CPS1: variants seen among roughly 807,000 people sequenced by gnomAD.
The protein encoded by CPS1 is carbamoyl-phosphate synthase [ammonia], mitochondrial.
In CPS1, 109 loss-of-function variants were observed where a neutral mutation model predicts 174.6. That is an observed-to-expected ratio of 0.62 (90% CI 0.53 to 0.73). The LOEUF (loss-of-function observed/expected upper bound fraction) is 0.73, where lower values mean the gene tolerates loss of function less well. Among genes scored for constraint, CPS1 ranks in the 30% least tolerant of loss-of-function variants. The pLI is 0.00. For synonymous variants in CPS1, 637 were observed against 632.0 expected (o/e 1.01, Z -0.12); for missense variants, 1,689 against 1,821.9 (o/e 0.93, Z 1.33).
intron 1 of CPS1, among the ~76,000 whole-genome samples, chr2:210,509,414 A>T (rs1695388558): frequency 6.6e-6 from 1 of 152,198 alleles, no homozygotes; most frequent in African/African-American, 2.4e-5. Context: ...ACAAACCCAC[A>T]GCCAATATCA....
rs376177038 is a variant in CPS1, at chr2:210,637,719, A to G, written c.2705A>G (p.Glu902Gly). Reference protein sequence around the residue: ...KGLNSESMTEETLKRAKEIGF... With the variant: ...KGLNSESMTEGTLKRAKEIGF... Reference sequence around the variant, plus strand: ...AATCCTAGTGAGTCCATGACAGAAGAAACCCTGAAAAGGGCAAAGGAGATT... The same window carrying G: ...AATCCTAGTGAGTCCATGACAGAAGGAACCCTGAAAAGGGCAAAGGAGATT... The change falls in exon 22 of 38, where the codon GAA (glutamate) becomes GGA (glycine). Residue 902 changes from glutamate (E) to glycine (G), a missense_variant. Coordinates refer to ENST00000233072, the MANE Select transcript of CPS1 (RefSeq NM_001875.5). 1.2e-6 allele frequency: 2 copies of G among 1,614,046 alleles called. No individual in the cohort carries two copies. The highest frequency in any genetic ancestry group is 1.7e-6 in the Non-Finnish European group (2 of 1,179,920).
At chr2:210,670,748 T>C (rs1022328555) in intron 34 of CPS1, among the ~76,000 whole-genome samples, 3 of 152,098 alleles carry the variant, frequency 2.0e-5, no homozygotes, top group Non-Finnish European at 2.9e-5. Flanking sequence ...CTTTCTAACT[T>C]TTAAATTTCT....
intron 1 of CPS1, among the ~76,000 whole-genome samples, chr2:210,549,033 C>T (rs1479387575): frequency 2.0e-5 from 3 of 152,134 alleles, no homozygotes; most frequent in Non-Finnish European, 2.9e-5. Flanking sequence ...CTGTTCTCTA[C>T]GTCATTCCAG....
At chr2:210,525,018 A>T (rs188811700) in intron 1 of CPS1, among the ~76,000 whole-genome samples, 2 of 152,062 alleles carry the variant, frequency 1.3e-5, no homozygotes, top group East Asian at 3.9e-4. Flanking sequence ...ACAGGAAATT[A>T]AATCTAATTT....
rs148950271 is a variant in CPS1, at chr2:210,600,712, G to T, written c.1707G>T (p.Ser569=). 5.0e-6 allele frequency: 8 copies of T among 1,611,606 alleles called. No homozygotes were observed. In the East Asian group the frequency reaches 1.8e-4, roughly 36 times the overall value. Residue 569 remains serine, a splice_region_variant and synonymous_variant, in exon 15 of 38, where the codon TCG becomes TCT. Coordinates refer to ENST00000233072, the MANE Select transcript of CPS1 (RefSeq NM_001875.5). The part of the protein sequence containing the change: ...EKIAPSFAVE[S]IEDALKAADT... ...TTGCTCCAAGTTTTGCAGTGGAATC[G>T]GTAAGGATTCTTTGCTTTGGAAAAA...
intron 1 of CPS1, among the ~76,000 whole-genome samples, chr2:210,544,604 A>G (rs1403441966): frequency 6.6e-6 from 1 of 152,086 alleles, no homozygotes; most frequent in African/African-American, 2.4e-5. Flanking sequence ...ATAGTTTTAA[A>G]GCCACAAATT....
chr2:210,560,960 A>G (rs1285943584), intron 1 of CPS1, among the ~76,000 whole-genome samples: 1 of 152,182 alleles, frequency 6.6e-6, no homozygotes, highest in East Asian at 1.9e-4. Flanking sequence ...AATTGTGTTC[A>G]GTCCCAAATG....
chr2:210,534,508 T>C (rs1696197588), intron 1 of CPS1, among the ~76,000 whole-genome samples: 1 of 152,208 alleles, frequency 6.6e-6, no homozygotes, highest in South Asian at 2.1e-4. Flanking sequence ...CTGCAGTATG[T>C]AGCATTGATT....
intron 7 of CPS1, among the ~76,000 whole-genome samples, chr2:210,588,738 AC>A (rs1364392115): frequency 2.6e-5 from 4 of 152,038 alleles, no homozygotes; most frequent in Non-Finnish European, 4.4e-5. Flanking sequence ...ATACACATAC[AC>A]ACACATACAC....
At chr2:210,573,434 T>C (rs1372268976) in intron 2 of CPS1, 27 bp downstream of exon 2, 1 of 1,516,962 alleles carries the variant, frequency 6.6e-7, no homozygotes, top group Admixed American at 1.7e-5. Context: ...CAAGGCTTTA[T>C]TTTTCCTCTA....
At chr2:210,564,874 A>G (rs1697249375) in intron 1 of CPS1, among the ~76,000 whole-genome samples, 1 of 152,012 alleles carries the variant, frequency 6.6e-6, no homozygotes, top group South Asian at 2.1e-4. Flanking sequence ...AAGTGCCTGT[A>G]ATCTCAGCTA....
intron 1 of CPS1, chr2:210,477,780 T>C (rs767714789): frequency 1.2e-6 from 2 of 1,613,328 alleles, no homozygotes; most frequent in Middle Eastern, 1.6e-4. Flanking sequence ...AGTCTTAAGC[T>C]GGATATCTCT....
At chr2:210,495,337 C>T (rs143840193) in intron 1 of CPS1, among the ~76,000 whole-genome samples, 7 of 152,222 alleles carry the variant, frequency 4.6e-5, no homozygotes, top group African/African-American at 1.2e-4. Flanking sequence ...CGGCATGCTT[C>T]GAGAACTGGC....
chr2:210,541,697 T>C (rs1696436476), intron 1 of CPS1, among the ~76,000 whole-genome samples: 1 of 152,210 alleles, frequency 6.6e-6, no homozygotes, highest in African/African-American at 2.4e-5. Context: ...ATTTCTGTGA[T>C]GTGAAGTACA....
At chr2:210,668,541 C>T (rs112304841) in intron 34 of CPS1, among the ~76,000 whole-genome samples, 6 of 152,224 alleles carry the variant, frequency 3.9e-5, no homozygotes, top group South Asian at 2.1e-4. Context: ...AAATGGGATG[C>T]AGGGTACTTT....
At chr2:210,506,443 G>A (rs113081470) in intron 1 of CPS1, among the ~76,000 whole-genome samples, 35 of 152,232 alleles carry the variant, frequency 2.3e-4, no homozygotes, top group African/African-American at 8.2e-4. Context: ...AAAAAACAGA[G>A]CAGAAAAACT....
At chr2:210,628,179 C>T (rs1328363499) in intron 21 of CPS1, among the ~76,000 whole-genome samples, 1 of 152,166 alleles carries the variant, frequency 6.6e-6, no homozygotes, top group Admixed American at 6.5e-5. Context: ...TCCCCTTCTA[C>T]CCACTCTTCA....
chr2:210,539,756 A>G (rs183374606), intron 1 of CPS1, among the ~76,000 whole-genome samples: 93 of 152,110 alleles, frequency 6.1e-4, no homozygotes, highest in Middle Eastern at 3.4e-3. Flanking sequence ...GGGTCTGGTC[A>G]TTTGTCCCTT....
intron 1 of CPS1, among the ~76,000 whole-genome samples, chr2:210,548,477 A>G (rs578221853): frequency 4.4e-4 from 67 of 152,210 alleles, no homozygotes; most frequent in African/African-American, 1.6e-3. Flanking sequence ...TGATAGGGGC[A>G]AGTATAGGTT....
Sources: allele counts gnomAD v4.1 joint callset (sites outside exome capture counted in the v4.1 genomes callset), GRCh38; gene constraint gnomAD v4.1.1; transcripts MANE v1.5; gene names NCBI Gene and HGNC (gene_info 2026-07-23, HGNC 2026-07-21).